The following DOCK6 variants were observed in gnomAD, a reference collection of about 807,000 sequenced individuals.
DOCK6 encodes dedicator of cytokinesis 6, also known as dedicator of cytokinesis protein 6.
A neutral mutation model predicts 230.3 loss-of-function variants in DOCK6; 167 were observed. The observed-to-expected ratio is 0.73, with a 90% CI of 0.64 to 0.82. DOCK6 has a LOEUF of 0.82. DOCK6 is among the 40% of genes least tolerant of loss of function. The pLI, the probability that DOCK6 is intolerant of heterozygous loss-of-function variation, is 0.00. For missense variants in DOCK6, 2,598 were observed against 2,825.8 expected, an observed-to-expected ratio of 0.92 and a Z score of 1.83; for synonymous variants, 1,148 against 1,185.0, an observed-to-expected ratio of 0.97 and a Z score of 0.64.
chr19:11,244,288 C>A (rs1029686879), intron 9 of DOCK6, among the ~76,000 whole-genome samples: 3 of 151,362 alleles, frequency 2.0e-5, no homozygotes, highest in African/African-American at 7.3e-5. Flanking sequence ...GGATAACAGG[C>A]TTGCTGTGAA....
At chr19:11,234,510 A>T (rs968682014) in intron 21 of DOCK6, among the ~76,000 whole-genome samples, 2 of 78,148 alleles carry the variant, frequency 2.6e-5, no homozygotes, top group African/African-American at 2.2e-4. Context: ...GGCAAATTAA[A>T]AAAAAAAAAA....
chr19:11,227,594 C>A, intron 23 of DOCK6, 117 bp from the exon 24 acceptor site: 1 of 1,250,452 alleles, frequency 8.0e-7, no homozygotes, highest in Non-Finnish European at 1.1e-6. Flanking sequence ...GTGGGTGGGG[C>A]TTGAAGGGCT....
chr19:11,227,588 G>T, intron 23 of DOCK6, 111 bp from the exon 24 acceptor site: 1 of 1,370,486 alleles, frequency 7.3e-7, no homozygotes, highest in Non-Finnish European at 9.8e-7. Flanking sequence ...AGGACTGTGG[G>T]TGGGGCTTGA....
Position 11,237,504 on chromosome 19 carries a change from T to C in DOCK6, c.2025A>G (p.Pro675=). The C allele has an allele frequency of 6.2e-7, 1 of 1,611,068 alleles. No homozygotes were observed. Among genetic ancestry groups the C allele is most frequent in the Non-Finnish European group, 8.5e-7 (1 of 1,179,520 alleles). ...TGGGCGGCGGCTGGTCCACAGACAC[T>C]GGGAGACAGAAGGGGCCGGTCCTCA... ...GRLRTGPFCL[P]VSVDQPPPSY... Residue 675 remains proline, a synonymous_variant, in exon 18 of 48, where the codon CCA becomes CCG. Coordinates refer to ENST00000294618, the MANE Select transcript of DOCK6 (RefSeq NM_020812.4).
chr19:11,201,916 A>T lies in DOCK6; in HGVS notation c.5661T>A (p.Thr1887=). ...CCTCCCGGTGGCACACACGGATGCGAGTCTTGATGTAGGGGAAGGCGTGGT... is the reference window on the plus strand; with the variant it reads ...CCTCCCGGTGGCACACACGGATGCGTGTCTTGATGTAGGGGAAGGCGTGGT... The part of the protein sequence containing the change: ...STDHAFPYIK[T]RIRVCHREET... The change falls in exon 44 of 48, where the codon ACT becomes ACA. Residue 1887 remains threonine (T), a synonymous_variant. Transcript: ENST00000294618. The surrounding 1 kb of genome is among the most constrained non-coding windows in gnomAD (Gnocchi z 4.3). 3 of 1,493,398 alleles carry T rather than the reference A, an allele frequency of 2.0e-6. No homozygotes were observed. The South Asian group carries it at 3.4e-5, about 17-fold the overall frequency. 92.5% of individuals were successfully genotyped at this position (1,493,398 alleles called of 1,614,324 possible). A position where few individuals can be genotyped will look rare whatever the true frequency, so the allele number is the denominator to read the frequency against.
intron 39 of DOCK6, chr19:11,208,218 C>G (rs533426843): frequency 6.5e-6 from 1 of 154,552 alleles, no homozygotes; most frequent in South Asian, 2.0e-4. Context: ...AGGCCTGCAT[C>G]AAGGGTCTCA....
In DOCK6 at chr19:11,233,328, G is replaced by C. The variant is rs768720002; in HGVS notation, c.2593C>G (p.Arg865Gly). ...AGGCTTGCGGGGCGACCAGAGCCAC[G>C]GGCCAGTGTGGCAGCCTGCACTGTC... ...PVTVQAATLA[R>G]GSGRPASLYL... Residue 865 changes from arginine to glycine, a missense_variant, in exon 22 of 48, where the codon CGT (arginine) becomes GGT (glycine). Coordinates refer to ENST00000294618, the MANE Select transcript of DOCK6 (RefSeq NM_020812.4). 3 of 1,613,666 alleles carry C rather than the reference G, an allele frequency of 1.9e-6. No homozygotes were observed. The African/African-American group carries it at 4.0e-5, about 22-fold the overall frequency.
intron 6 of DOCK6, among the ~76,000 whole-genome samples, chr19:11,249,053 G>A (rs2080077684): frequency 6.6e-6 from 1 of 152,044 alleles, no homozygotes; most frequent in Non-Finnish European, 1.5e-5. Flanking sequence ...TATATACTAG[G>A]TACCAAATAA....
At chr19:11,259,120 C>T (rs757761855) in intron 1 of DOCK6, among the ~76,000 whole-genome samples, 3 of 152,196 alleles carry the variant, frequency 2.0e-5, no homozygotes, top group Middle Eastern at 3.4e-3. Flanking sequence ...GGCGCAATCA[C>T]GGCTCACTGC....
intron 14 of DOCK6, chr19:11,240,019 C>T: frequency 6.5e-7 from 1 of 1,545,810 alleles, no homozygotes; most frequent in South Asian, 1.2e-5. Context: ...TCCTGGTTTG[C>T]CCAGGACTGA....
intron 22 of DOCK6, among the ~76,000 whole-genome samples, chr19:11,231,530 C>T (rs772781844): frequency 2.6e-5 from 4 of 152,174 alleles, no homozygotes; most frequent in Non-Finnish European, 5.9e-5. Context: ...CAACAAAATC[C>T]CACTGCAGTG....
chr19:11,228,831 G>T, intron 23 of DOCK6, 109 bp downstream of exon 23: 5 of 1,042,654 alleles, frequency 4.8e-6, no homozygotes, highest in Non-Finnish European at 7.2e-6. Context: ...CAAAGTGTTG[G>T]GATTACAGGT....
At chr19:11,255,934 C>T (rs904831459) in intron 1 of DOCK6, among the ~76,000 whole-genome samples, 4 of 152,058 alleles carry the variant, frequency 2.6e-5, no homozygotes, top group Non-Finnish European at 4.4e-5. Context: ...CTACAGGCGC[C>T]CACCACTACG....
intron 37 of DOCK6, 99 bp from the exon 38 acceptor site, chr19:11,209,202 C>CTTGGGGCGGACATGGGG: frequency 7.1e-7 from 1 of 1,413,120 alleles, no homozygotes; most frequent in Non-Finnish European, 9.6e-7. Context: ...CCCCCATGTC[C>CTTGGGGCGGACATGGGG]GCCCCAAGGA....
chr19:11,221,149 G>T (rs2079573393), intron 28 of DOCK6: 1 of 152,382 alleles, frequency 6.6e-6, no homozygotes, highest in South Asian at 2.1e-4. Flanking sequence ...AGAACTCAAC[G>T]GATGGGGTCA....
intron 6 of DOCK6, among the ~76,000 whole-genome samples, 190 bp from the exon 7 acceptor site, chr19:11,248,341 G>C (rs2080068056): frequency 6.6e-6 from 1 of 151,934 alleles, no homozygotes; most frequent in African/African-American, 2.4e-5. Flanking sequence ...TCCTTGTCTC[G>C]CTAATGTCTG....
At position 11,243,228 on chromosome 19, in the gene DOCK6, G is replaced by C. The variant is rs780109036; in HGVS notation, c.1386+30C>G. The C allele has an allele frequency of 1.2e-6, 2 of 1,613,424 alleles. No homozygotes were observed. The highest frequency in any genetic ancestry group is 2.2e-5 in the South Asian group (2 of 91,018). ...AGGGCTAATGCAGCCAGCGGGGAGT[G>C]GGAGAGTCCCTGGCCCCAGGGTAGG... is the stretch of plus-strand genomic sequence containing the variant. On this transcript the variant is annotated intron_variant, in intron 12 of 47. Transcript: ENST00000294618. This position sits in a 1 kb window ranked among gnomAD's most constrained non-coding sequence, Gnocchi z 6.3.
rs1244574205 is a variant in DOCK6, at chr19:11,243,260, GC to G, written c.1383del (p.Lys461AsnfsTer19). On this transcript the variant is annotated frameshift_variant, in exon 12 of 48. Coordinates refer to ENST00000294618, the MANE Select transcript of DOCK6 (RefSeq NM_020812.4). LOFTEE classifies it high-confidence loss of function. The surrounding 1 kb of genome is among the most constrained non-coding windows in gnomAD (Gnocchi z 6.3). ...TCCCTGGCCCCAGGGTAGGACACCTGCTTAAAGAAGTTTGTGACAGTTAGCG... is the reference window on the plus strand; with the variant it reads ...TCCCTGGCCCCAGGGTAGGACACCTGTTAAAGAAGTTTGTGACAGTTAGCG... Reference protein sequence around the residue: ...PATLTVTNFFKQEAERLSDED... With the variant: ...PATLTVTNFFXQEAERLSDED... 2 of 1,611,910 alleles carry G rather than the reference GC, an allele frequency of 1.2e-6. No homozygotes were observed. Among genetic ancestry groups the G allele is most frequent in the African/African-American group, 2.7e-5 (2 of 74,906 alleles).
chr19:11,202,243 G>A lies in DOCK6; in HGVS notation c.5452-118C>T, dbSNP rs1024934392. On this transcript the variant is annotated intron_variant, in intron 43 of 47. Transcript: ENST00000294618. This position sits in a 1 kb window ranked among gnomAD's most constrained non-coding sequence, Gnocchi z 5.3. Reference sequence around the variant, plus strand: ...TTTCCAAGTCTTCCTATGTCTGGATGTTTGGGAATCCCCTGAGGAATAGGT... The same window carrying A: ...TTTCCAAGTCTTCCTATGTCTGGATATTTGGGAATCCCCTGAGGAATAGGT... 1 of 1,380,034 alleles carries A rather than the reference G, an allele frequency of 7.2e-7. No individual in the cohort carries two copies. The highest frequency in any genetic ancestry group is 1.0e-6 in the Non-Finnish European group (1 of 997,506). 85.5% of individuals were successfully genotyped at this position (1,380,034 alleles called of 1,614,324 possible).
Sources: allele counts gnomAD v4.1 joint callset (sites outside exome capture counted in the v4.1 genomes callset), GRCh38; gene constraint gnomAD v4.1.1; non-coding constraint Gnocchi (gnomAD v3.1); transcripts MANE v1.5; gene names NCBI Gene and HGNC (gene_info 2026-07-23, HGNC 2026-07-21).